Variants in KCNAB2 observed in about 807,000 individuals in gnomAD.
KCNAB2 encodes voltage-gated potassium channel subunit beta-2.
Under a neutral mutation model 63.6 loss-of-function variants are expected in KCNAB2, and 29 were observed. The ratio of observed to expected loss-of-function variants is 0.46; its 90% CI spans 0.34 to 0.62. KCNAB2 has a LOEUF of 0.62. KCNAB2 is among the 20% of genes least tolerant of loss of function. The pLI, the probability that KCNAB2 is intolerant of heterozygous loss-of-function variation, is 0.01. For missense variants in KCNAB2, 359 were observed against 563.9 expected (o/e 0.64, Z 3.68); for synonymous variants, 222 against 224.2 (o/e 0.99, Z 0.09).
At chr1:6,052,101 T>TCAA (rs911302158) in intron 2 of KCNAB2, among the ~76,000 whole-genome samples, 3 of 150,302 alleles carry the variant, frequency 2.0e-5, no homozygotes, top group Admixed American at 6.6e-5. Context: ...AGACACTGTC[T>TCAA]CAACAACAAC....
At chr1:6,002,013 T>C (rs1159644396) in intron 1 of KCNAB2, among the ~76,000 whole-genome samples, 1 of 152,204 alleles carries the variant, frequency 6.6e-6, no homozygotes, top group Non-Finnish European at 1.5e-5. Context: ...CTGCCTAGAC[T>C]GTGGGCCTCG....
rs372990259 is a variant in KCNAB2 at position 6,003,186 on chromosome 1, G to A, written c.-53+10398G>A. Reference sequence around the variant, plus strand: ...GAAACCACATGGGGGCGAGGCCAGCGCACAGCCCCAGCAGCCTGGCCCCTG... The same window carrying A: ...GAAACCACATGGGGGCGAGGCCAGCACACAGCCCCAGCAGCCTGGCCCCTG... On this transcript the variant is annotated intron_variant, in intron 1 of 16. Coordinates refer to the KCNAB2 transcript ENST00000341524. The surrounding 1 kb of genome is among the most constrained non-coding windows in gnomAD (Gnocchi z 4.1). Among the ~76,000 whole-genome samples, 7 of 152,210 alleles carry A rather than the reference G, an allele frequency of 4.6e-5. No individual in the cohort carries two copies. Among genetic ancestry groups the A allele is most frequent in the East Asian group, 1.9e-4 (1 of 5,186 alleles).
Position 6,095,334 on chromosome 1 carries a change from C to T in KCNAB2, c.744C>T (p.Ser248=), listed in dbSNP as rs748185339. 1.4e-5 allele frequency: 22 copies of T among 1,612,540 alleles called. No individual in the cohort carries two copies. Among genetic ancestry groups the T allele is most frequent in the Non-Finnish European group, 1.7e-5 (20 of 1,179,934 alleles). ...TTCTGCCTTCACAGGAGGCCTACTC[C>T]GTGGCCCGGCAGTTCAACCTGACCC... The part of the protein sequence containing the change: ...WSSMEIMEAY[S]VARQFNLTPP... Residue 248 remains serine, a synonymous_variant, in exon 12 of 16, where the codon TCC becomes TCT. Transcript: ENST00000378083.
intron 1 of KCNAB2, among the ~76,000 whole-genome samples, chr1:6,004,245 G>A (rs1158565179): frequency 6.7e-6 from 1 of 148,258 alleles, no homozygotes; most frequent in Non-Finnish European, 1.5e-5. Flanking sequence ...TTTTTTTTAA[G>A]AGACACGATC....
chr1:6,089,930 G>A (rs948777514), intron 8 of KCNAB2, among the ~76,000 whole-genome samples: 1 of 152,198 alleles, frequency 6.6e-6, no homozygotes, highest in African/African-American at 2.4e-5. Flanking sequence ...CAAACTCCTG[G>A]CCCTCAAGTG....
Position 6,028,259 on chromosome 1 carries a change from T to G in KCNAB2, c.-52-12258T>G, listed in dbSNP as rs1659340337. The stretch of plus-strand genomic sequence containing the variant: ...GGAAGTGTGTGTTGTGTAAGTGCCC[T>G]TCTGTGTCATGCGGTTTTGAGCAGT... On this transcript the variant is annotated intron_variant, in intron 1 of 16. Coordinates refer to the KCNAB2 transcript ENST00000341524. This position sits in a 1 kb window ranked among gnomAD's most constrained non-coding sequence, Gnocchi z 4.0. Among the ~76,000 whole-genome samples the G allele has an allele frequency of 6.6e-6, 1 of 152,224 alleles. No individual in the cohort carries two copies. Among genetic ancestry groups the G allele is most frequent in the Non-Finnish European group, 1.5e-5 (1 of 68,036 alleles).
intron 2 of KCNAB2, among the ~76,000 whole-genome samples, chr1:6,060,285 G>A (rs1441403066): frequency 6.6e-6 from 1 of 152,236 alleles, no homozygotes; most frequent in African/African-American, 2.4e-5. Flanking sequence ...AACACGGGTG[G>A]CTCAGGCCTT....
Position 6,086,326 on chromosome 1 carries a change from AT to A in KCNAB2, c.425+1080del. 2 of 985,316 alleles carry A rather than the reference AT, an allele frequency of 2.0e-6. No homozygotes were observed. The highest frequency in any genetic ancestry group is 2.4e-6 in the Non-Finnish European group (2 of 829,896). The allele number at this position is 985,316 out of a possible 1,614,324, so 61.0% of individuals were successfully genotyped here. ...TTTGGCAACTCTGATCCCAAAACAA[AT>A]TCCTCCTCACCCTGTAATTAAACGA... On this transcript the variant is annotated intron_variant, in intron 6 of 15. Transcript: ENST00000378083. The surrounding 1 kb of genome is among the most constrained non-coding windows in gnomAD (Gnocchi z 4.2).
intron 10 of KCNAB2, 43 bp from the exon 11 acceptor site, chr1:6,094,357 C>T (rs2294932): frequency 0.23 from 352,957 of 1,515,046 alleles, 42,629 homozygotes; most frequent in East Asian, 0.35. Context: ...GGCCCTGAGC[C>T]CTGGCTGCCC....
At chr1:6,045,515 C>T (rs1269561840), upstream of KCNAB2, among the ~76,000 whole-genome samples, 1 of 152,190 alleles carries the variant, frequency 6.6e-6, no homozygotes, top group Non-Finnish European at 1.5e-5. This position sits in a 1 kb window ranked among gnomAD's most constrained non-coding sequence, Gnocchi z 4.8. Context: ...GTTCTGGGGC[C>T]TTCCTGCCAT....
chr1:6,079,721 C>A (rs1664037929), intron 4 of KCNAB2, among the ~76,000 whole-genome samples: 1 of 151,938 alleles, frequency 6.6e-6, no homozygotes, highest in African/African-American at 2.4e-5. Flanking sequence ...AGGCAGGGAG[C>A]GGGGAAGGGG....
rs1663386317 is a variant in KCNAB2, at chr1:6,073,322, G to T, written c.263-411G>T. ...ACCCCGCCCCCCACCAGCACCCACT[G>T]CCCTGACACCGCCCTCCCCGCTCTG... is the stretch of plus-strand genomic sequence containing the variant. On this transcript the variant is annotated intron_variant, in intron 3 of 15. Transcript: ENST00000378083. This position sits in a 1 kb window ranked among gnomAD's most constrained non-coding sequence, Gnocchi z 5.7. Among the ~76,000 whole-genome samples the T allele has an allele frequency of 6.6e-6, 1 of 151,282 alleles. No homozygotes were observed. The highest frequency in any genetic ancestry group is 2.4e-5 in the African/African-American group (1 of 41,000).
At chr1:6,020,235 G>A (rs1445202072) in intron 1 of KCNAB2, among the ~76,000 whole-genome samples, 1 of 152,200 alleles carries the variant, frequency 6.6e-6, no homozygotes. Flanking sequence ...TCCTTATGTT[G>A]TAGAAATAGC....
intron 1 of KCNAB2, among the ~76,000 whole-genome samples, chr1:6,007,125 A>C (rs989178605): frequency 1.3e-5 from 2 of 152,112 alleles, no homozygotes. Flanking sequence ...ATAGAGACTC[A>C]TATCAGCCAG....
chr1:6,013,054 C>T (rs985170359), intron 1 of KCNAB2, among the ~76,000 whole-genome samples: 2 of 152,116 alleles, frequency 1.3e-5, no homozygotes, highest in African/African-American at 4.8e-5. Context: ...ACATGACCTC[C>T]CATCGCTCCA....
chr1:6,099,886 A>C lies in KCNAB2; in HGVS notation c.*1312A>C. On this transcript the variant is annotated 3_prime_UTR_variant, in exon 16 of 16. Transcript: ENST00000378083. ...CCCCGTGCAGCTTGGGCCGGAGGGC[A>C]AGGGATGCCAGTAAGTCTGCAGGTG... 1.3e-6 allele frequency: 2 copies of C among 1,550,258 alleles called. No homozygotes were observed. The highest frequency in any genetic ancestry group is 1.7e-6 in the Non-Finnish European group (2 of 1,146,834).
intron 3 of KCNAB2, among the ~76,000 whole-genome samples, 196 bp downstream of exon 3, chr1:6,072,994 G>A (rs535021697): frequency 6.6e-6 from 1 of 152,144 alleles, no homozygotes; most frequent in Non-Finnish European, 1.5e-5. Context: ...AGGGGGGCTG[G>A]GATAGAGGGA....
chr1:6,063,206 A>T (rs563637292), intron 2 of KCNAB2, among the ~76,000 whole-genome samples: 4 of 151,244 alleles, frequency 2.6e-5, no homozygotes, highest in African/African-American at 4.9e-5. Context: ...TTTATTTTTA[A>T]TAGAGACGGG....
chr1:6,095,465 G>GCCGC, intron 12 of KCNAB2, 22 bp downstream of exon 12: 18 of 1,585,942 alleles, frequency 1.1e-5, no homozygotes, highest in Non-Finnish European at 1.5e-5. Flanking sequence ...CGGGCCCCTC[G>GCCGC]CCCCGCCCCA....
Sources: gnomAD v4.1 joint callset for allele counts (sites outside exome capture counted in the v4.1 genomes callset) on GRCh38, gnomAD v4.1.1 for gene constraint, Gnocchi (gnomAD v3.1) non-coding constraint, MANE v1.5 for transcripts, NCBI Gene and HGNC (gene_info 2026-07-23, HGNC 2026-07-21) for gene names.